The following SCARA3 variants were observed in gnomAD, a reference collection of about 807,000 sequenced individuals.
SCARA3 encodes scavenger receptor class A member 3.
In SCARA3, 39 loss-of-function variants were observed where a neutral mutation model predicts 47.0. The observed-to-expected ratio is 0.83, with a 90% confidence interval of 0.64 to 1.08. The LOEUF is 1.08. Among genes scored for constraint, SCARA3 ranks in the 50% least tolerant of loss-of-function variants. The pLI is 0.00. For synonymous variants in SCARA3, 356 were observed against 334.1 expected, an observed-to-expected ratio of 1.07 and a Z score of -0.71; for missense variants, 724 against 792.3, an observed-to-expected ratio of 0.91 and a Z score of 1.04.
At chr8:27,647,655 A>G (rs1801535364) in intron 1 of SCARA3, among the ~76,000 whole-genome samples, 1 of 152,188 alleles carries the variant, frequency 6.6e-6, no homozygotes, top group Admixed American at 6.5e-5. Flanking sequence ...ACAGGAGAGG[A>G]GCATTCTCCT....
chr8:27,727,265 C>T, the SCARA3 span, among the ~76,000 whole-genome samples: 5 of 152,152 alleles, frequency 3.3e-5, no homozygotes. Context: ...GATTCAGGCA[C>T]CTTCCGCCCA....
At chr8:27,688,119 A>T in the SCARA3 span, among the ~76,000 whole-genome samples, 1 of 152,218 alleles carries the variant, frequency 6.6e-6, no homozygotes, top group Non-Finnish European at 1.5e-5. Flanking sequence ...CTGTTCCAAG[A>T]AACTTTCAAC....
chr8:27,651,775 T>A (rs1378269996), intron 3 of SCARA3, 148 bp downstream of exon 3: 3 of 1,124,558 alleles, frequency 2.7e-6, no homozygotes, highest in Non-Finnish European at 3.7e-6. Context: ...TCTCTATGCC[T>A]AATGCAAACT....
Position 27,634,135 on chromosome 8 carries a change from GC to G in SCARA3, c.-63del. Reference sequence around the variant, plus strand: ...CCGCGCCCTGGAGGATCCGCCGGCCGCCCGGCTCCACTACAGCTCCAGCCGC... The same window carrying G: ...CCGCGCCCTGGAGGATCCGCCGGCCGCCGGCTCCACTACAGCTCCAGCCGC... On this transcript the variant is annotated 5_prime_UTR_variant, in exon 1 of 6. Transcript: ENST00000301904. 7.0e-7 allele frequency: 1 copy of G among 1,424,234 alleles called. No individual in the cohort carries two copies. The highest frequency in any genetic ancestry group is 9.2e-7 in the Non-Finnish European group (1 of 1,088,950). 88.2% of individuals were successfully genotyped at this position (1,424,234 alleles called of 1,614,324 possible).
the SCARA3 span, among the ~76,000 whole-genome samples, chr8:27,684,664 CAA>C: frequency 2.8e-3 from 397 of 141,410 alleles, no homozygotes; most frequent in Non-Finnish European, 2.7e-3. Context: ...AAGGCTGTGT[CAA>C]AAAAAAAAAA....
the SCARA3 span, among the ~76,000 whole-genome samples, chr8:27,685,631 T>C: frequency 2.0e-5 from 3 of 152,208 alleles, no homozygotes; most frequent in Admixed American, 2.0e-4. Context: ...GCCCACATCT[T>C]TCAGAAAGCT....
the SCARA3 span, chr8:27,703,693 G>A: frequency 6.6e-6 from 1 of 152,092 alleles, no homozygotes; most frequent in Non-Finnish European, 1.5e-5. Flanking sequence ...CTCCGGACCT[G>A]GAAAGAATCT....
intron 2 of SCARA3, among the ~76,000 whole-genome samples, chr8:27,650,422 T>A (rs116506082): frequency 1.1e-3 from 175 of 152,334 alleles, no homozygotes; most frequent in African/African-American, 4.0e-3. Context: ...GGCCTGGAAC[T>A]GTCCCCTTCA....
chr8:27,646,330 T>C (rs571497924), intron 1 of SCARA3, among the ~76,000 whole-genome samples: 1 of 152,314 alleles, frequency 6.6e-6, no homozygotes, highest in South Asian at 2.1e-4. Flanking sequence ...TGGCTAACAG[T>C]TGCTAATCTG....
chr8:27,701,430 G>C, the SCARA3 span: 1 of 152,172 alleles, frequency 6.6e-6, no homozygotes, highest in South Asian at 2.1e-4. Context: ...TTATGCCTCA[G>C]TACAGTAGAT....
chr8:27,678,798 A>T (rs751960069), downstream of SCARA3, among the ~76,000 whole-genome samples: 5 of 152,242 alleles, frequency 3.3e-5, no homozygotes, highest in Non-Finnish European at 5.9e-5. Context: ...AAAAGCTTTA[A>T]ACAAAATTTT....
chr8:27,683,626 C>G, the SCARA3 span, among the ~76,000 whole-genome samples: 3 of 152,122 alleles, frequency 2.0e-5, no homozygotes, highest in Non-Finnish European at 4.4e-5. Flanking sequence ...TACCAGATGA[C>G]TCAGCATTTC....
the SCARA3 span, among the ~76,000 whole-genome samples, chr8:27,699,510 A>T: frequency 6.6e-6 from 1 of 152,082 alleles, no homozygotes; most frequent in African/African-American, 2.4e-5. Flanking sequence ...AGGCCTCGGC[A>T]GCCTTGTTTT....
the SCARA3 span, among the ~76,000 whole-genome samples, chr8:27,726,351 A>G: frequency 1.3e-5 from 2 of 152,316 alleles, no homozygotes; most frequent in Admixed American, 1.3e-4. Context: ...GGCTGCAGTG[A>G]GCTATGATTG....
At chr8:27,704,204 GAGAGGC>G in the SCARA3 span, among the ~76,000 whole-genome samples, 1 of 152,156 alleles carries the variant, frequency 6.6e-6, no homozygotes, top group Non-Finnish European at 1.5e-5. Context: ...CCAGTGCTTT[GAGAGGC>G]AGAGGCAGGA....
intron 5 of SCARA3, among the ~76,000 whole-genome samples, chr8:27,660,654 A>AGATCGATC (rs138966690): frequency 4.7e-5 from 7 of 149,924 alleles, no homozygotes; most frequent in Non-Finnish European, 8.9e-5. Context: ...ATAGATAGAT[A>AGATCGATC]GATCTAGAGA....
chr8:27,670,423 G>A lies in SCARA3; in HGVS notation c.1370-477G>A, dbSNP rs553639079. On this transcript the variant is annotated intron_variant, in intron 5 of 5. Transcript: ENST00000301904. ...TCCTGGAGGTACTGACCTTTCTCTG[G>A]GCTGTCACTGTGCCCACTTACTCAT... Among the ~76,000 whole-genome samples, 15 of 152,258 alleles carry A rather than the reference G, an allele frequency of 9.9e-5. No individual in the cohort carries two copies. In the South Asian group the frequency reaches 1.0e-3, roughly 11 times the overall value.
the SCARA3 span, among the ~76,000 whole-genome samples, chr8:27,724,384 C>T: frequency 6.6e-6 from 1 of 152,146 alleles, no homozygotes; most frequent in Non-Finnish European, 1.5e-5. Context: ...TCAAGTGTGG[C>T]CGGGCACAGT....
the SCARA3 span, among the ~76,000 whole-genome samples, chr8:27,725,380 A>ATTATATTTATAT: frequency 6.7e-6 from 1 of 149,038 alleles, no homozygotes; most frequent in Admixed American, 6.7e-5. Flanking sequence ...TAATATTTAT[A>ATTATATTTATAT]TTATATTTAT....
Sources: gnomAD v4.1 joint callset for allele counts (sites outside exome capture counted in the v4.1 genomes callset) on GRCh38, gnomAD v4.1.1 for gene constraint, MANE v1.5 for transcripts, NCBI Gene and HGNC (gene_info 2026-07-23, HGNC 2026-07-21) for gene names.